The following CTNND2 variants were observed in gnomAD, a reference collection of about 807,000 sequenced individuals.
CTNND2 encodes catenin delta-2.
In CTNND2, 22 loss-of-function variants were observed where a neutral mutation model predicts 144.4. The observed-to-expected ratio is 0.15, with a 90% CI of 0.11 to 0.22. The LOEUF (loss-of-function observed/expected upper bound fraction) is 0.22. Among genes scored for constraint, CTNND2 ranks in the 10% least tolerant of loss-of-function variants. CTNND2 has a pLI of 1.00. For synonymous variants in CTNND2, 751 were observed against 695.6 expected (o/e 1.08, Z -1.25); for missense variants, 1,353 against 1,618.8 (o/e 0.84, Z 2.82).
At chr5:11,006,975 C>A (rs1398698660) in intron 18 of CTNND2, among the ~76,000 whole-genome samples, 2 of 152,112 alleles carry the variant, frequency 1.3e-5, no homozygotes, top group African/African-American at 4.8e-5. Flanking sequence ...ATATATATTT[C>A]TATTTTAAAA....
intron 3 of CTNND2, among the ~76,000 whole-genome samples, chr5:11,534,930 C>T (rs1241662403): frequency 3.3e-5 from 5 of 151,868 alleles, no homozygotes; most frequent in African/African-American, 4.8e-5. Context: ...TGGCTGACAC[C>T]TGTCCCAGCA....
chr5:11,847,128 TTA>T (rs56978156), intron 1 of CTNND2, among the ~76,000 whole-genome samples: 2,613 of 71,754 alleles, frequency 0.036, 31 homozygotes, highest in African/African-American at 0.057. Flanking sequence ...GTCAAAGATT[TTA>T]TATATATATA....
At chr5:11,476,167 A>G in intron 3 of CTNND2, among the ~76,000 whole-genome samples, 1 of 151,666 alleles carries the variant, frequency 6.6e-6, no homozygotes, top group Non-Finnish European at 1.5e-5. Context: ...CACTGCACCC[A>G]GCCGGGACTA....
intron 2 of CTNND2, among the ~76,000 whole-genome samples, chr5:11,653,099 G>A (rs1782730037): frequency 6.6e-6 from 1 of 150,892 alleles, no homozygotes; most frequent in South Asian, 2.1e-4. Flanking sequence ...GTGTGTGTGT[G>A]TGTGTGTGTG....
Position 11,891,066 on chromosome 5 carries a change from T to G in CTNND2, c.37+12751A>C, listed in dbSNP as rs117703123. On this transcript the variant is annotated intron_variant, in intron 1 of 21. Transcript: ENST00000304623. ...GAGCAATGAGACAGCTGGATCAGCCTCTTAACACTGAAGGTGACAAGAAGT... is the reference window on the plus strand; with the variant it reads ...GAGCAATGAGACAGCTGGATCAGCCGCTTAACACTGAAGGTGACAAGAAGT... Among the ~76,000 whole-genome samples the G allele has an allele frequency of 6.4e-4, 98 of 152,296 alleles. 3 individuals carry two copies. In the East Asian group the frequency reaches 0.017, roughly 26 times the overall value.
intron 5 of CTNND2, among the ~76,000 whole-genome samples, chr5:11,406,113 C>T (rs1236773727): frequency 1.3e-5 from 2 of 152,204 alleles, no homozygotes; most frequent in East Asian, 3.9e-4. Context: ...CACCATTGCA[C>T]ACCAGCCTGG....
intron 16 of CTNND2, among the ~76,000 whole-genome samples, chr5:11,036,404 C>A (rs900703755): frequency 6.6e-6 from 1 of 152,062 alleles, no homozygotes; most frequent in Non-Finnish European, 1.5e-5. Flanking sequence ...CAAATCTGCA[C>A]CCCCACAGTC....
rs1275603349 is a variant in CTNND2 at position 11,384,420 on chromosome 5, G to GAGAGA, written c.1177+240_1177+244dup. The GAGAGA allele has an allele frequency of 5.6e-6, 3 of 540,380 alleles. No individual in the cohort carries two copies. Among genetic ancestry groups the GAGAGA allele is most frequent in the Non-Finnish European group, 9.8e-6 (3 of 307,106 alleles). The allele number at this position is 540,380 out of a possible 1,614,324, so 33.5% of individuals were successfully genotyped here. A position where few individuals can be genotyped will look rare whatever the true frequency, so the allele number is the denominator to read the frequency against. ...GGGAGAGGGCAGAGAGAGAAGAGAG[G>GAGAGA]AGAGAAGAGAGTGATATAGGTGTTA... On this transcript the variant is annotated intron_variant, in intron 7 of 21. Transcript: ENST00000304623. This position sits in a 1 kb window ranked among gnomAD's most constrained non-coding sequence, Gnocchi z 5.2.
chr5:11,763,892 G>A, intron 1 of CTNND2, among the ~76,000 whole-genome samples: 1 of 151,848 alleles, frequency 6.6e-6, no homozygotes, highest in East Asian at 1.9e-4. Flanking sequence ...CCCAATCAAG[G>A]GTCCACAACT....
intron 16 of CTNND2, among the ~76,000 whole-genome samples, chr5:11,052,559 C>G (rs1252428983): frequency 6.6e-6 from 1 of 152,052 alleles, no homozygotes; most frequent in African/African-American, 2.4e-5. Context: ...CTGTTTCTAC[C>G]AATCCTGAAT....
chr5:11,763,133 G>C (rs1053733350), intron 1 of CTNND2, among the ~76,000 whole-genome samples: 1 of 152,160 alleles, frequency 6.6e-6, no homozygotes, highest in African/African-American at 2.4e-5. Context: ...GCCATGTGAA[G>C]ATGGTACATG....
intron 1 of CTNND2, among the ~76,000 whole-genome samples, chr5:11,770,403 GA>G (rs1318689853): frequency 7.4e-6 from 1 of 135,366 alleles, no homozygotes; most frequent in Non-Finnish European, 1.5e-5. Flanking sequence ...TATTAAAACA[GA>G]AAAAAAGGAA....
chr5:11,752,602 A>C (rs1237961347), intron 1 of CTNND2, among the ~76,000 whole-genome samples: 1 of 148,986 alleles, frequency 6.7e-6, no homozygotes, highest in Non-Finnish European at 1.5e-5. Flanking sequence ...CTTATAGTAT[A>C]GTTTAAAGTC....
chr5:11,807,045 AT>A (rs1792043464), intron 1 of CTNND2, among the ~76,000 whole-genome samples: 1 of 152,082 alleles, frequency 6.6e-6, no homozygotes, highest in African/African-American at 2.4e-5. Flanking sequence ...TTCTGCGTCC[AT>A]TTGCTACATG....
At chr5:11,515,131 T>C (rs1772045537) in intron 3 of CTNND2, among the ~76,000 whole-genome samples, 1 of 145,560 alleles carries the variant, frequency 6.9e-6, no homozygotes, top group Non-Finnish European at 1.5e-5. Flanking sequence ...AAAAAACGCA[T>C]TTCCTAATGA....
chr5:11,421,462 C>A (rs961773235), intron 3 of CTNND2, among the ~76,000 whole-genome samples: 5 of 152,166 alleles, frequency 3.3e-5, no homozygotes, highest in African/African-American at 1.2e-4. Context: ...GGGAAACACC[C>A]CACTTTGAGG....
At chr5:11,171,974 A>T (rs896432380) in intron 11 of CTNND2, among the ~76,000 whole-genome samples, 1 of 152,244 alleles carries the variant, frequency 6.6e-6, no homozygotes, top group Admixed American at 6.5e-5. Flanking sequence ...AAGTTCAACA[A>T]CAAAATTATA....
At chr5:11,565,418 C>A (rs1777002987) in intron 2 of CTNND2, among the ~76,000 whole-genome samples, 1 of 152,196 alleles carries the variant, frequency 6.6e-6, no homozygotes, top group Admixed American at 6.5e-5. Flanking sequence ...ACAAGTATAG[C>A]ATTTAATGAG....
chr5:11,011,758 C>T (rs1224859311), intron 18 of CTNND2, among the ~76,000 whole-genome samples: 1 of 152,178 alleles, frequency 6.6e-6, no homozygotes, highest in Non-Finnish European at 1.5e-5. Context: ...GGCACGGAAG[C>T]ATGCAGGTAG....
Sources: gnomAD v4.1 joint callset for allele counts (sites outside exome capture counted in the v4.1 genomes callset) on GRCh38, gnomAD v4.1.1 for gene constraint, Gnocchi (gnomAD v3.1) non-coding constraint, MANE v1.5 for transcripts, NCBI Gene and HGNC (gene_info 2026-07-23, HGNC 2026-07-21) for gene names.